GABBR2: variants seen among roughly 807,000 people sequenced by gnomAD.
GABBR2 encodes gamma-aminobutyric acid type B receptor subunit 2, also known as G-protein coupled receptor 51.
Under a neutral mutation model 105.6 loss-of-function variants are expected in GABBR2, and 23 were observed. That is an observed-to-expected ratio of 0.22 (90% CI 0.16 to 0.31). The LOEUF (loss-of-function observed/expected upper bound fraction) is 0.31, where lower values mean the gene tolerates loss of function less well. Among genes scored for constraint, GABBR2 ranks in the 10% least tolerant of loss-of-function variants. The probability of loss-of-function intolerance (pLI) is 1.00; values close to 1 mark genes in which losing one functional copy is unlikely to be tolerated. For synonymous variants in GABBR2, 478 were observed against 499.7 expected (o/e 0.96, Z 0.58); for missense variants, 734 against 1,245.5 (o/e 0.59, Z 6.18).
chr9:98,590,341 C>T (rs1829129260), intron 1 of GABBR2, among the ~76,000 whole-genome samples: 1 of 152,146 alleles, frequency 6.6e-6, no homozygotes, highest in Admixed American at 6.5e-5. Flanking sequence ...CTGTATTCTC[C>T]CTGAAGCTGT....
chr9:98,432,329 C>T (rs956375401), intron 7 of GABBR2, among the ~76,000 whole-genome samples: 4 of 152,066 alleles, frequency 2.6e-5, no homozygotes, highest in South Asian at 2.1e-4. Flanking sequence ...TGGGATTTCA[C>T]GGGGGTGGAG....
At position 98,623,850 on chromosome 9, in the gene GABBR2, G is replaced by A. The variant is rs527500252; in HGVS notation, c.322-45778C>T. On this transcript the variant is annotated intron_variant, in intron 1 of 18. Coordinates refer to ENST00000259455, the MANE Select transcript of GABBR2 (RefSeq NM_005458.8). ...GTCCTATGTAGAAAGTAAGATAGCC[G>A]CAGGTTCTGCCATGAGAACATGGAC... is the stretch of plus-strand genomic sequence containing the variant. 5.3e-5 allele frequency among the ~76,000 whole-genome samples: 8 copies of A among 152,278 alleles called. No individual in the cohort carries two copies. In the South Asian group the frequency reaches 6.2e-4, roughly 12 times the overall value.
intron 2 of GABBR2, among the ~76,000 whole-genome samples, chr9:98,569,071 G>GC (rs1828789375): frequency 6.6e-6 from 1 of 152,028 alleles, no homozygotes; most frequent in Non-Finnish European, 1.5e-5. Context: ...GTGCTAAATG[G>GC]CCCCCCTGGA....
At chr9:98,324,370 C>T (rs1202055243) in intron 13 of GABBR2, among the ~76,000 whole-genome samples, 2 of 152,138 alleles carry the variant, frequency 1.3e-5, no homozygotes, top group African/African-American at 4.8e-5. Context: ...GGGTCTGGCC[C>T]CAGGACTGTG....
At chr9:98,539,926 A>T (rs564950071) in intron 3 of GABBR2, among the ~76,000 whole-genome samples, 195 of 151,952 alleles carry the variant, frequency 1.3e-3, no homozygotes, top group Non-Finnish European at 1.9e-3. Context: ...AAAAAAAAAA[A>T]AAAAAAGAAA....
Position 98,388,798 on chromosome 9 carries a change from C to T in GABBR2, c.1529+56G>A, listed in dbSNP as rs1484757120. On this transcript the variant is annotated intron_variant, in intron 10 of 18. Coordinates refer to ENST00000259455, the MANE Select transcript of GABBR2 (RefSeq NM_005458.8). This position sits in a 1 kb window ranked among gnomAD's most constrained non-coding sequence, Gnocchi z 4.4. ...GTCATGTGGCACTCCTATACTGTGTCCATAGGCTTGTCAATTTAGAAAGTG... is the reference window on the plus strand; with the variant it reads ...GTCATGTGGCACTCCTATACTGTGTTCATAGGCTTGTCAATTTAGAAAGTG... 1 of 1,447,282 alleles carries T rather than the reference C, an allele frequency of 6.9e-7. No individual in the cohort carries two copies. Among genetic ancestry groups the T allele is most frequent in the Non-Finnish European group, 9.6e-7 (1 of 1,040,212 alleles). 89.7% of individuals were successfully genotyped at this position (1,447,282 alleles called of 1,614,324 possible).
At chr9:98,553,884 T>G (rs1211957948) in intron 2 of GABBR2, among the ~76,000 whole-genome samples, 1 of 152,120 alleles carries the variant, frequency 6.6e-6, no homozygotes, top group Non-Finnish European at 1.5e-5. Context: ...TTCTGCAGAG[T>G]GCTATGATTC....
Position 98,422,496 on chromosome 9 carries a change from CTGTGTG to C in GABBR2, c.1237-16361_1237-16356del, listed in dbSNP as rs370880704. Among the ~76,000 whole-genome samples, 112 of 146,470 alleles carry C rather than the reference CTGTGTG, an allele frequency of 7.6e-4. 3 individuals carry two copies. In the South Asian group the frequency reaches 0.011, roughly 15 times the overall value. Reference sequence around the variant, plus strand: ...ACATTTAGAAGGCTGCTTAATGCACCTGTGTGTGTGTGTGTGTGTGTGTGTCTGTGT... The same window carrying C: ...ACATTTAGAAGGCTGCTTAATGCACCTGTGTGTGTGTGTGTGTGTCTGTGT... On this transcript the variant is annotated intron_variant, in intron 7 of 18. Transcript: ENST00000259455.
intron 6 of GABBR2, among the ~76,000 whole-genome samples, chr9:98,471,227 C>A (rs1263356111): frequency 6.6e-6 from 1 of 152,128 alleles, no homozygotes; most frequent in African/African-American, 2.4e-5. Flanking sequence ...GCTTCAAAGA[C>A]CATGCGGACA....
At chr9:98,491,303 C>A (rs1392770860) in intron 4 of GABBR2, among the ~76,000 whole-genome samples, 2 of 152,218 alleles carry the variant, frequency 1.3e-5, no homozygotes, top group African/African-American at 2.4e-5. Flanking sequence ...CTTTGCTCAA[C>A]CTTTTACCTT....
chr9:98,668,356 G>A (rs901303004), intron 1 of GABBR2, among the ~76,000 whole-genome samples: 12 of 152,220 alleles, frequency 7.9e-5, no homozygotes, highest in South Asian at 2.1e-4. Context: ...GCCCTGCAGC[G>A]TCCAATGGTT....
At chr9:98,360,133 A>G (rs1446896814) in intron 13 of GABBR2, among the ~76,000 whole-genome samples, 1 of 152,130 alleles carries the variant, frequency 6.6e-6, no homozygotes, top group East Asian at 1.9e-4. Flanking sequence ...GATGGGCCAC[A>G]AAGGTCTTTC....
At chr9:98,382,415 G>A (rs1831994279) in intron 11 of GABBR2, among the ~76,000 whole-genome samples, 2 of 152,224 alleles carry the variant, frequency 1.3e-5, no homozygotes, top group Admixed American at 1.3e-4. Flanking sequence ...CCAGGTTCAC[G>A]CCATTCTCCT....
chr9:98,425,490 T>C (rs984117583), intron 7 of GABBR2, among the ~76,000 whole-genome samples: 2 of 152,180 alleles, frequency 1.3e-5, no homozygotes, highest in Non-Finnish European at 2.9e-5. Context: ...ATCAGTCTCT[T>C]CTGGGCCACG....
chr9:98,334,172 G>T (rs1831075177), intron 13 of GABBR2, among the ~76,000 whole-genome samples: 1 of 152,190 alleles, frequency 6.6e-6, no homozygotes. Flanking sequence ...AAACTTGCTG[G>T]ATTTGAATAT....
intron 17 of GABBR2, among the ~76,000 whole-genome samples, chr9:98,297,892 TGG>T (rs1355860609): frequency 2.0e-5 from 3 of 148,928 alleles, no homozygotes; most frequent in Non-Finnish European, 3.0e-5. Context: ...GGTGTGGTGG[TGG>T]GCACCTGTAA....
intron 15 of GABBR2, among the ~76,000 whole-genome samples, chr9:98,305,525 T>C (rs898853730): frequency 6.6e-6 from 1 of 152,176 alleles, no homozygotes; most frequent in Non-Finnish European, 1.5e-5. Context: ...TTAAAAAGTA[T>C]CACCATAGGC....
intron 11 of GABBR2, among the ~76,000 whole-genome samples, chr9:98,375,904 A>G (rs577949457): frequency 1.3e-4 from 20 of 152,342 alleles, no homozygotes; most frequent in African/African-American, 4.6e-4. Context: ...CTGTTTTCCA[A>G]TATGTTACCA....
intron 1 of GABBR2, among the ~76,000 whole-genome samples, chr9:98,694,326 C>T (rs1830722265): frequency 6.6e-6 from 1 of 152,212 alleles, no homozygotes; most frequent in South Asian, 2.1e-4. Flanking sequence ...AAGTTTCTGC[C>T]CTGAGACCCC....
Sources: allele counts gnomAD v4.1 joint callset (sites outside exome capture counted in the v4.1 genomes callset), GRCh38; gene constraint gnomAD v4.1.1; non-coding constraint Gnocchi (gnomAD v3.1); transcripts MANE v1.5; gene names NCBI Gene and HGNC (gene_info 2026-07-23, HGNC 2026-07-21).